Variants in COL25A1 observed in about 807,000 individuals in gnomAD.
COL25A1 encodes the protein collagen type XXV alpha 1 chain.
A neutral mutation model predicts 128.4 loss-of-function variants in COL25A1; 103 were observed. The ratio of observed to expected loss-of-function variants is 0.80; its 90% CI spans 0.68 to 0.94. The LOEUF (loss-of-function observed/expected upper bound fraction) is 0.94, where lower values mean the gene tolerates loss of function less well. Among genes scored for constraint, COL25A1 ranks in the 40% least tolerant of loss-of-function variants. COL25A1 has a pLI of 0.00. For synonymous variants in COL25A1, 279 were observed against 277.2 expected (o/e 1.01, Z -0.06); for missense variants, 745 against 840.0 (o/e 0.89, Z 1.40).
intron 6 of COL25A1, among the ~76,000 whole-genome samples, chr4:108,990,031 G>A (rs138866932): frequency 0.029 from 4,313 of 151,062 alleles, 205 homozygotes; most frequent in African/African-American, 0.098. Flanking sequence ...TGCACAACAT[G>A]GTAAAACCCC....
chr4:108,999,118 A>T (rs947856991), intron 6 of COL25A1, among the ~76,000 whole-genome samples: 1 of 152,216 alleles, frequency 6.6e-6, no homozygotes, highest in African/African-American at 2.4e-5. Flanking sequence ...GACAAATGGG[A>T]TCTAATTAAA....
Position 108,899,154 on chromosome 4 carries a change from C to G in COL25A1, c.861G>C (p.Lys287Asn). 6.2e-7 allele frequency: 1 copy of G among 1,609,574 alleles called. No homozygotes were observed. The highest frequency in any genetic ancestry group is 1.1e-5 in the South Asian group (1 of 89,828). Residue 287 changes from lysine (K) to asparagine (N), a missense_variant and splice_region_variant, in exon 15 of 38, where the codon AAG becomes AAC. Lys to Asn is a moderately conservative substitution (Grantham distance 94, BLOSUM62 0). Around this residue, in one of 3 missense-constraint regions of COL25A1, gnomAD observed 39 missense variants for 73.3 expected, o/e 0.53. Transcript: ENST00000399132. ...GAAATACAGGCAGAATCATTCTTAC[C>G]TTTTCACCTTGTTCTCCAGGTTCTC... ...PKGEPGEQGE[K>N]GDAGENGPKG... is the part of the protein sequence containing the mutation.
chr4:108,869,250 GATT>G, intron 19 of COL25A1, 100 bp from the exon 20 acceptor site: 1 of 676,634 alleles, frequency 1.5e-6, no homozygotes. Context: ...CTTCTACTGA[GATT>G]TTACTTCCCT....
intron 3 of COL25A1, among the ~76,000 whole-genome samples, chr4:109,051,247 C>T (rs1469709479): frequency 2.6e-5 from 4 of 152,134 alleles, no homozygotes; most frequent in African/African-American, 4.8e-5. Flanking sequence ...TCAATGTGAT[C>T]CTGAGCTACT....
Position 108,825,662 on chromosome 4 carries a change from T to A in COL25A1, c.1765-440A>T, listed in dbSNP as rs150064979. On this transcript the variant is annotated intron_variant, in intron 33 of 37. Transcript: ENST00000399132. ...AAAAGCAAAAATACTGTTTAGCTGA[T>A]TTAAAAACATACCAGCACTAATAGA... Among the ~76,000 whole-genome samples the A allele has an allele frequency of 6.3e-3, 953 of 152,294 alleles. 15 individuals carry two copies. Among genetic ancestry groups the A allele is most frequent in the African/African-American group, 0.022 (906 of 41,564 alleles).
intron 3 of COL25A1, among the ~76,000 whole-genome samples, chr4:109,196,447 A>G (rs915382024): frequency 1.3e-5 from 2 of 151,954 alleles, no homozygotes; most frequent in Non-Finnish European, 2.9e-5. Flanking sequence ...TTGTAAACAT[A>G]TATGTTTACA....
At chr4:108,884,140 C>T in intron 19 of COL25A1, 38 bp downstream of exon 19, 2 of 1,603,664 alleles carry the variant, frequency 1.2e-6, no homozygotes, top group Middle Eastern at 3.3e-4. Flanking sequence ...CTCATAATTA[C>T]AGTTCTGTGA....
intron 3 of COL25A1, among the ~76,000 whole-genome samples, chr4:109,291,810 G>A (rs912490956): frequency 9.2e-5 from 14 of 151,994 alleles, no homozygotes; most frequent in African/African-American, 3.4e-4. Context: ...GATGAAGTGA[G>A]ATGTAGATTT....
chr4:109,150,000 G>T (rs1205669219), intron 3 of COL25A1, among the ~76,000 whole-genome samples: 2 of 115,770 alleles, frequency 1.7e-5, no homozygotes, highest in African/African-American at 5.3e-5. Context: ...GTATGTGTGG[G>T]TGTGTGTGTG....
chr4:108,965,791 A>G (rs1208122780), intron 8 of COL25A1, among the ~76,000 whole-genome samples: 3 of 152,166 alleles, frequency 2.0e-5, no homozygotes, highest in Non-Finnish European at 4.4e-5. Flanking sequence ...TTGACACTGA[A>G]GTTCTGTTAC....
intron 3 of COL25A1, among the ~76,000 whole-genome samples, chr4:109,064,983 C>T (rs1027286101): frequency 3.9e-5 from 6 of 152,162 alleles, no homozygotes; most frequent in Non-Finnish European, 4.4e-5. Flanking sequence ...ATCCAATGCA[C>T]CAGTAAGGAG....
At chr4:109,019,371 C>CAT (rs1183525991) in intron 5 of COL25A1, among the ~76,000 whole-genome samples, 3 of 8,940 alleles carry the variant, frequency 3.4e-4, no homozygotes, top group African/African-American at 2.6e-3. Flanking sequence ...CACACACACA[C>CAT]ACACATATAT....
chr4:108,979,764 T>C (rs943718371), intron 6 of COL25A1, among the ~76,000 whole-genome samples: 5 of 152,228 alleles, frequency 3.3e-5, no homozygotes, highest in Admixed American at 6.5e-5. Context: ...TAAGAATTTC[T>C]GGCTCACTAT....
intron 5 of COL25A1, among the ~76,000 whole-genome samples, chr4:109,012,744 A>G (rs117407238): frequency 0.016 from 2,387 of 152,248 alleles, 57 homozygotes; most frequent in East Asian, 0.13. Flanking sequence ...GCAGCCTGCC[A>G]TGCCTGAGCC....
At chr4:108,910,623 T>C (rs1028700450) in intron 13 of COL25A1, among the ~76,000 whole-genome samples, 1 of 152,236 alleles carries the variant, frequency 6.6e-6, no homozygotes, top group Admixed American at 6.5e-5. Context: ...ACCACTACTA[T>C]GCAGTGGAAG....
At chr4:109,167,315 T>G (rs1166099238) in intron 3 of COL25A1, among the ~76,000 whole-genome samples, 1 of 152,168 alleles carries the variant, frequency 6.6e-6, no homozygotes, top group Non-Finnish European at 1.5e-5. Flanking sequence ...AAGGGACACA[T>G]CAAGAGTGAA....
At chr4:109,104,376 AAAAT>A (rs1766201315) in intron 3 of COL25A1, among the ~76,000 whole-genome samples, 1 of 141,046 alleles carries the variant, frequency 7.1e-6, no homozygotes, top group Non-Finnish European at 1.5e-5. Context: ...CTATCTCAAA[AAAAT>A]AAATAAATAA....
At chr4:109,116,131 G>A (rs1767531299) in intron 3 of COL25A1, among the ~76,000 whole-genome samples, 1 of 151,986 alleles carries the variant, frequency 6.6e-6, no homozygotes, top group African/African-American at 2.4e-5. Flanking sequence ...ACAGCAATGA[G>A]AATCAAAAAC....
chr4:109,110,847 A>G (rs1226334032), intron 3 of COL25A1, among the ~76,000 whole-genome samples: 1 of 152,112 alleles, frequency 6.6e-6, no homozygotes, highest in Admixed American at 6.5e-5. Flanking sequence ...TTCCATGTCT[A>G]CCACCATCTT....
Sources: gnomAD v4.1 joint callset for allele counts (sites outside exome capture counted in the v4.1 genomes callset) on GRCh38, gnomAD v4.1.1 for gene constraint, gnomAD v4.1.1 regional missense constraint, MANE v1.5 for transcripts, NCBI Gene and HGNC (gene_info 2026-07-23, HGNC 2026-07-21) for gene names.